The following CTBP2 variants were observed in gnomAD, a reference collection of about 807,000 sequenced individuals.
CTBP2 encodes C-terminal binding protein 2, also known as C-terminal-binding protein 2.
CTBP2 carries 30 observed loss-of-function variants against 80.3 expected under a neutral mutation model. The observed-to-expected ratio is 0.37, with a 90% confidence interval of 0.28 to 0.51. The LOEUF (loss-of-function observed/expected upper bound fraction) is 0.51. CTBP2 is among the 20% of genes least tolerant of loss of function. The probability of loss-of-function intolerance (pLI) is 0.93; values close to 1 mark genes in which losing one functional copy is unlikely to be tolerated. For missense variants in CTBP2, 1,212 were observed against 1,375.3 expected (o/e 0.88, Z 1.88); for synonymous variants, 594 against 587.4 (o/e 1.01, Z -0.16).
At chr10:125,104,498 A>T (rs1252541922) in intron 2 of CTBP2, among the ~76,000 whole-genome samples, 1 of 152,226 alleles carries the variant, frequency 6.6e-6, no homozygotes, top group African/African-American at 2.4e-5. Context: ...CCACATTATG[A>T]AATATGTATA....
chr10:125,146,230 CT>C (rs1858743493), intron 1 of CTBP2, among the ~76,000 whole-genome samples: 1 of 151,300 alleles, frequency 6.6e-6, no homozygotes, highest in African/African-American at 2.4e-5. Flanking sequence ...GCCTCGGCCT[CT>C]CAAAGTGCTA....
At chr10:125,037,677 G>A (rs541127045) in intron 3 of CTBP2, among the ~76,000 whole-genome samples, 3 of 152,314 alleles carry the variant, frequency 2.0e-5, no homozygotes, top group South Asian at 2.1e-4. Context: ...GCAAAGAGAC[G>A]TGGAGGAAAT....
chr10:125,149,394 A>G (rs1859398900), intron 1 of CTBP2, among the ~76,000 whole-genome samples: 1 of 152,106 alleles, frequency 6.6e-6, no homozygotes, highest in South Asian at 2.1e-4. Flanking sequence ...ACCTGTTTAA[A>G]AACTGCAGGG....
At chr10:125,005,570 A>T in intron 1 of CTBP2, 1 of 1,611,894 alleles carries the variant, frequency 6.2e-7, no homozygotes, top group Non-Finnish European at 8.5e-7. Context: ...GTATGAGTGG[A>T]CAGGAAGCGT....
chr10:125,080,466 G>C (rs1847013542), intron 2 of CTBP2, among the ~76,000 whole-genome samples: 1 of 152,140 alleles, frequency 6.6e-6, no homozygotes, highest in East Asian at 1.9e-4. Context: ...TGGAACAATG[G>C]GGATTGAGCG....
In CTBP2 at chr10:124,989,533, G is replaced by C. The variant is rs75408575; in HGVS notation, c.2943C>G (p.His981Gln). The change falls in exon 9 of 9, where the codon CAC becomes CAG. Residue 981 changes from histidine (H) to glutamine (Q), a missense_variant. Around this residue, in one of 3 missense-constraint regions of CTBP2, gnomAD observed 335 missense variants for 504.7 expected, o/e 0.66. Coordinates refer to ENST00000309035, the MANE Select transcript of CTBP2 (RefSeq NM_022802.3). ...GCATTCTCTGCTATTGCTCGTTGGG[G>C]TGCTCTCGATTGTCCCCGTGTTTTG... 1 of 1,612,800 alleles carries C rather than the reference G, an allele frequency of 6.2e-7. No homozygotes were observed. Among genetic ancestry groups the C allele is most frequent in the South Asian group, 1.1e-5 (1 of 91,004 alleles).
intron 2 of CTBP2, among the ~76,000 whole-genome samples, chr10:125,073,872 T>C (rs1482077094): frequency 6.6e-6 from 1 of 152,160 alleles, no homozygotes; most frequent in Non-Finnish European, 1.5e-5. Flanking sequence ...CTGGTGCTGG[T>C]TGGAGTCTGT....
chr10:125,129,375 C>T (rs1855783467), intron 1 of CTBP2, among the ~76,000 whole-genome samples: 1 of 152,060 alleles, frequency 6.6e-6, no homozygotes, highest in Admixed American at 6.5e-5. Flanking sequence ...TTCATTTGAC[C>T]TCATGCCCCT....
At chr10:125,004,337 C>T (rs992706017) in intron 1 of CTBP2, among the ~76,000 whole-genome samples, 1 of 152,252 alleles carries the variant, frequency 6.6e-6, no homozygotes, top group South Asian at 2.1e-4. Flanking sequence ...AGACACCCTG[C>T]GGGGCCCGCC....
intron 1 of CTBP2, among the ~76,000 whole-genome samples, chr10:125,148,835 C>T (rs1859288059): frequency 6.6e-6 from 1 of 152,224 alleles, no homozygotes; most frequent in Non-Finnish European, 1.5e-5. Context: ...TGGCTTTTGT[C>T]ACTTGAAGCC....
chr10:125,008,206 A>G (rs901738275), intron 1 of CTBP2, among the ~76,000 whole-genome samples: 4 of 152,192 alleles, frequency 2.6e-5, no homozygotes, highest in African/African-American at 9.7e-5. Flanking sequence ...TCGGTCTCCC[A>G]AAATGCTGGG....
chr10:125,091,992 A>AAAC (rs1433980801), intron 2 of CTBP2, among the ~76,000 whole-genome samples: 2 of 152,274 alleles, frequency 1.3e-5, no homozygotes, highest in Middle Eastern at 3.4e-3. Flanking sequence ...TACTTATTTC[A>AAAC]AACTGTGAAG....
chr10:125,027,159 C>G lies in CTBP2; in HGVS notation c.601G>C (p.Glu201Gln). The change falls in exon 1 of 9, where the codon GAG becomes CAG. Residue 201 changes from glutamate to glutamine, a missense_variant. By Grantham distance (29) the Glu-to-Gln change is conservative (BLOSUM62 2). Transcript: ENST00000309035. ...TGGCTGAGGGGGTAGGCAGGCACCT[C>G]CGCCCCATACCTGGTGTCGGGCTGC... The G allele has an allele frequency of 6.2e-7, 1 of 1,604,710 alleles. No individual in the cohort carries two copies. Among genetic ancestry groups the G allele is most frequent in the South Asian group, 1.1e-5 (1 of 90,624 alleles).
chr10:125,061,618 T>C (rs1253869727), intron 2 of CTBP2, among the ~76,000 whole-genome samples: 1 of 152,286 alleles, frequency 6.6e-6, no homozygotes, highest in South Asian at 2.1e-4. Flanking sequence ...TAACAGCGTC[T>C]ACGGCAGCAA....
chr10:125,084,413 T>G (rs987554674), intron 2 of CTBP2, among the ~76,000 whole-genome samples: 1 of 152,132 alleles, frequency 6.6e-6, no homozygotes, highest in African/African-American at 2.4e-5. Context: ...GGAATGTGAC[T>G]CAGAGGGAGG....
chr10:125,033,352 G>C (rs1958466524), intron 3 of CTBP2, among the ~76,000 whole-genome samples: 1 of 152,212 alleles, frequency 6.6e-6, no homozygotes, highest in African/African-American at 2.4e-5. Flanking sequence ...ATGGAGATGA[G>C]ACAGAGACAG....
rs1406055631 is a variant in CTBP2 at position 125,002,507 on chromosome 10, T to A, written c.1978+453A>T. Among the ~76,000 whole-genome samples, 3 of 152,268 alleles carry A rather than the reference T, an allele frequency of 2.0e-5. No individual in the cohort carries two copies. In the South Asian group the frequency reaches 6.2e-4, roughly 32 times the overall value. ...GGACCACATGCTGCTAAGGCTGCCC[T>A]CCCAGAACGGGAGGCCCAGGTTCCC... is the stretch of plus-strand genomic sequence containing the variant. On this transcript the variant is annotated intron_variant, in intron 3 of 8. Coordinates refer to ENST00000309035, the MANE Select transcript of CTBP2 (RefSeq NM_022802.3).
chr10:125,035,862 G>C (rs1958802590), intron 3 of CTBP2, among the ~76,000 whole-genome samples: 1 of 152,202 alleles, frequency 6.6e-6, no homozygotes, highest in African/African-American at 2.4e-5. Flanking sequence ...TTGAGAATGA[G>C]GAGACCACAA....
At chr10:125,057,442 GAAAT>G (rs1564818035) in intron 2 of CTBP2, among the ~76,000 whole-genome samples, 1 of 152,178 alleles carries the variant, frequency 6.6e-6, no homozygotes, top group Non-Finnish European at 1.5e-5. Flanking sequence ...CCCGAGCTAT[GAAAT>G]CCGTCTGGGC....
Sources: allele counts gnomAD v4.1 joint callset (sites outside exome capture counted in the v4.1 genomes callset), GRCh38; gene constraint gnomAD v4.1.1; regional missense constraint gnomAD v4.1.1; transcripts MANE v1.5; gene names NCBI Gene and HGNC (gene_info 2026-07-23, HGNC 2026-07-21).